The following PEX13 variants were observed in gnomAD, a reference collection of about 807,000 sequenced individuals.
PEX13 encodes peroxisome biogenesis factor 13.
A neutral mutation model predicts 34.5 loss-of-function variants in PEX13; 28 were observed. The observed-to-expected ratio is 0.81, with a 90% CI of 0.60 to 1.11. The LOEUF (loss-of-function observed/expected upper bound fraction) is 1.11, where lower values mean the gene tolerates loss of function less well. Ranked by LOEUF, PEX13 falls within the 50% of genes most tolerant of loss-of-function variation. The pLI is 0.00. For missense variants in PEX13, 550 were observed against 491.0 expected, an observed-to-expected ratio of 1.12 and a Z score of -1.13; for synonymous variants, 177 against 175.1, an observed-to-expected ratio of 1.01 and a Z score of -0.09.
chr2:61,042,223 T>C (rs747168511), intron 2 of PEX13, among the ~76,000 whole-genome samples: 1 of 152,248 alleles, frequency 6.6e-6, no homozygotes, highest in Non-Finnish European at 1.5e-5. Flanking sequence ...TCCATACATA[T>C]TGTTATGGCT....
rs1007956793 is a variant in PEX13 at position 61,051,233 on chromosome 2, T to A, written c.*2463T>A. The A allele has an allele frequency of 6.6e-6, 1 of 152,358 alleles. No individual in the cohort carries two copies. The highest frequency in any genetic ancestry group is 1.5e-5 in the Non-Finnish European group (1 of 68,036). The allele number at this position is 152,358 out of a possible 1,614,324, so 9.4% of individuals were successfully genotyped here. On this transcript the variant is annotated 3_prime_UTR_variant, in exon 4 of 4. Transcript: ENST00000295030. ...TTATTTTTCATTTGTGTTCTACAAT[T>A]AAAGGTTCTGCTTTGATTTGTCAGA...
At chr2:61,023,012 CT>C (rs34214753) in intron 1 of PEX13, among the ~76,000 whole-genome samples, 5 of 148,102 alleles carry the variant, frequency 3.4e-5, no homozygotes, top group Admixed American at 6.8e-5. Flanking sequence ...GTCTAATTTC[CT>C]TTTTTTTTTC....
intron 1 of PEX13, among the ~76,000 whole-genome samples, chr2:61,023,732 C>CTTTTTTTTTTTTTTTTTTTTT (rs375431867): frequency 7.7e-6 from 1 of 130,204 alleles, no homozygotes; most frequent in Non-Finnish European, 1.6e-5. Context: ...TTCCTGACTT[C>CTTTTTTTTTTTTTTTTTTTTT]TTTTTTTTTT....
intron 1 of PEX13, among the ~76,000 whole-genome samples, chr2:61,021,773 T>C (rs1023558266): frequency 4.6e-5 from 7 of 152,190 alleles, no homozygotes; most frequent in Non-Finnish European, 8.8e-5. Context: ...CAGTAGGGGC[T>C]GACAGACACC....
chr2:61,047,721 G>A (rs956333969), intron 3 of PEX13, among the ~76,000 whole-genome samples: 2 of 152,114 alleles, frequency 1.3e-5, no homozygotes, highest in African/African-American at 4.8e-5. Flanking sequence ...AAAATCGGTC[G>A]TAGACATGGT....
In PEX13 at chr2:61,048,474, C is replaced by G; in HGVS notation, c.916C>G (p.Gln306Glu). The part of the protein sequence containing the change: ...GDMLNLALKE[Q>E]QPKVRGWLLA... ...AGACTGTCTTTTTTTTCCATCAGAA[C>G]AACAACCCAAAGTGCGTGGTTGGCT... Residue 306 changes from glutamine (Q) to glutamate (E), a missense_variant and splice_region_variant, in exon 4 of 4, where the codon CAA becomes GAA. Physicochemically the swap from Gln to Glu is conservative, Grantham distance 29 (BLOSUM62 2). Transcript: ENST00000295030. 1.2e-6 allele frequency: 2 copies of G among 1,613,330 alleles called. No individual in the cohort carries two copies. The highest frequency in any genetic ancestry group is 1.7e-6 in the Non-Finnish European group (2 of 1,179,578).
At chr2:61,018,866 TGA>T (rs1054175778) in intron 1 of PEX13, 1 of 152,346 alleles carries the variant, frequency 6.6e-6, no homozygotes, top group African/African-American at 2.4e-5. Context: ...GCTTGTCGAA[TGA>T]GAGAGGTTTT....
At chr2:61,040,736 A>G (rs115638730) in intron 2 of PEX13, among the ~76,000 whole-genome samples, 3,959 of 148,802 alleles carry the variant, frequency 0.027, 83 homozygotes, top group Non-Finnish European at 0.042. Context: ...TAAAGTATTA[A>G]ATGTAAATAT....
At chr2:61,030,563 A>C (rs952901698) in intron 1 of PEX13, among the ~76,000 whole-genome samples, 3 of 152,202 alleles carry the variant, frequency 2.0e-5, no homozygotes, top group African/African-American at 7.2e-5. Flanking sequence ...TTACAGAGAA[A>C]ATACAGGTGT....
chr2:61,023,781 C>G (rs985008315), intron 1 of PEX13, among the ~76,000 whole-genome samples: 2 of 122,264 alleles, frequency 1.6e-5, no homozygotes, highest in Admixed American at 8.9e-5. Context: ...CCATCTCTGT[C>G]TTTTGTTTTG....
chr2:61,036,998 C>CA (rs1446629744), intron 2 of PEX13, among the ~76,000 whole-genome samples: 2 of 151,786 alleles, frequency 1.3e-5, no homozygotes, highest in Admixed American at 1.3e-4. Flanking sequence ...TCTGATAAAA[C>CA]AGACTTTAAA....
Position 61,051,399 on chromosome 2 carries a change from C to T in PEX13, c.*2629C>T, listed in dbSNP as rs970790545. Reference sequence around the variant, plus strand: ...GATGTATAGGGAGAAGAGTACAGCACAAAGTGATAAAATAGTGACACTTTT... The same window carrying T: ...GATGTATAGGGAGAAGAGTACAGCATAAAGTGATAAAATAGTGACACTTTT... On this transcript the variant is annotated 3_prime_UTR_variant, in exon 4 of 4. Transcript: ENST00000295030. The T allele has an allele frequency of 6.6e-6, 1 of 152,256 alleles. No homozygotes were observed. The highest frequency in any genetic ancestry group is 2.4e-5 in the African/African-American group (1 of 41,424). The allele number at this position is 152,256 out of a possible 1,614,324, so 9.4% of individuals were successfully genotyped here. A position where few individuals can be genotyped will look rare whatever the true frequency, so the allele number is the denominator to read the frequency against.
rs538710549 is a variant in PEX13 at position 61,040,338 on chromosome 2, C to T, written c.788-5388C>T. On this transcript the variant is annotated intron_variant, in intron 2 of 3. Coordinates refer to ENST00000295030, the MANE Select transcript of PEX13 (RefSeq NM_002618.4). ...ATAGCAAAGACTTGGAACCAACCCACATGTCCATCAATGATAGACTGGATT... is the reference window on the plus strand; with the variant it reads ...ATAGCAAAGACTTGGAACCAACCCATATGTCCATCAATGATAGACTGGATT... 2.6e-5 allele frequency among the ~76,000 whole-genome samples: 4 copies of T among 152,178 alleles called. No individual in the cohort carries two copies. In the South Asian group the frequency reaches 6.2e-4, roughly 24 times the overall value.
chr2:61,033,978 T>G (rs1474064341), intron 2 of PEX13, among the ~76,000 whole-genome samples: 1 of 149,792 alleles, frequency 6.7e-6, no homozygotes, highest in Non-Finnish European at 1.5e-5. Context: ...TAGGTGTTTT[T>G]TTTTGTTTTG....
intron 1 of PEX13, among the ~76,000 whole-genome samples, chr2:61,024,354 C>G (rs1296034743): frequency 2.6e-5 from 4 of 152,188 alleles, no homozygotes; most frequent in Admixed American, 1.3e-4. Flanking sequence ...ACTCCTTTAA[C>G]TCAACTTGCA....
At chr2:61,029,231 A>C (rs755608969) in intron 1 of PEX13, among the ~76,000 whole-genome samples, 1 of 152,184 alleles carries the variant, frequency 6.6e-6, no homozygotes. Context: ...ACCAATAAGC[A>C]CATGAAAATA....
At chr2:61,027,593 C>T (rs1166609429) in intron 1 of PEX13, among the ~76,000 whole-genome samples, 1 of 152,164 alleles carries the variant, frequency 6.6e-6, no homozygotes, top group Non-Finnish European at 1.5e-5. Flanking sequence ...TTTAATGGAG[C>T]ACTTTTCGTT....
rs750540862 is a variant in PEX13, at chr2:61,023,311, A to G, written c.92+5460A>G. ...TGAGCCATCTCACCTGGCCTAATTC[A>G]TTTCTTTATAGGCAGACTGCCTTCT... is the stretch of plus-strand genomic sequence containing the variant. On this transcript the variant is annotated intron_variant, in intron 1 of 3. Coordinates refer to ENST00000295030, the MANE Select transcript of PEX13 (RefSeq NM_002618.4). 2.6e-5 allele frequency among the ~76,000 whole-genome samples: 4 copies of G among 151,644 alleles called. No individual in the cohort carries two copies. In the South Asian group the frequency reaches 6.2e-4, roughly 24 times the overall value.
chr2:61,047,095 C>A (rs533472636), intron 3 of PEX13, among the ~76,000 whole-genome samples: 1 of 151,330 alleles, frequency 6.6e-6, no homozygotes, highest in Non-Finnish European at 1.5e-5. Context: ...GTAGTGTAAC[C>A]TTGTCTCAAG....
Sources: gnomAD v4.1 joint callset for allele counts (sites outside exome capture counted in the v4.1 genomes callset) on GRCh38, gnomAD v4.1.1 for gene constraint, MANE v1.5 for transcripts, NCBI Gene and HGNC (gene_info 2026-07-23, HGNC 2026-07-21) for gene names.